The following SPTBN4 variants were observed in gnomAD, a reference collection of about 807,000 sequenced individuals.
SPTBN4 encodes the protein spectrin beta, non-erythrocytic 4.
Under a neutral mutation model 277.8 loss-of-function variants are expected in SPTBN4, and 96 were observed. That is an observed-to-expected ratio of 0.35 (90% CI 0.29 to 0.41). The LOEUF (loss-of-function observed/expected upper bound fraction) is 0.41, where lower values mean the gene tolerates loss of function less well. Ranked by LOEUF, SPTBN4 falls within the 10% of genes least tolerant of loss-of-function variation. The pLI is 1.00. For synonymous variants in SPTBN4, 1,481 were observed against 1,580.3 expected, an observed-to-expected ratio of 0.94 and a Z score of 1.49; for missense variants, 3,006 against 3,595.7, an observed-to-expected ratio of 0.84 and a Z score of 4.19.
In SPTBN4 at chr19:40,570,585, C is replaced by T. The variant is rs565514323; in HGVS notation, c.7176C>T (p.Gly2392=). The change falls in exon 33 of 36, where the codon GGC becomes GGT. Residue 2392 remains glycine, a synonymous_variant. Coordinates refer to ENST00000598249, the MANE Select transcript of SPTBN4 (RefSeq NM_020971.3). ...RRPRPREGGE[G]GGSRRSRSAP... ...CGCGGCCCAGAGAGGGTGGTGAGGG[C>T]GGGGGAAGCCGGCGCTCGCGCTCCG... 2.7e-4 allele frequency: 374 copies of T among 1,374,886 alleles called. No homozygotes were observed. In the African/African-American group the frequency reaches 4.9e-3, roughly 18 times the overall value. The allele number at this position is 1,374,886 out of a possible 1,614,324, so 85.2% of individuals were successfully genotyped here.
In SPTBN4 at chr19:40,514,492, T is replaced by C. The variant is rs185410335; in HGVS notation, c.2766-819T>C. On this transcript the variant is annotated intron_variant, in intron 14 of 35. Coordinates refer to ENST00000598249, the MANE Select transcript of SPTBN4 (RefSeq NM_020971.3). Reference sequence around the variant, plus strand: ...TAAGTAAACAGGCCATGGAGACTGATGGGCTGGAGCGATTTTCCAAAACAA... The same window carrying C: ...TAAGTAAACAGGCCATGGAGACTGACGGGCTGGAGCGATTTTCCAAAACAA... Among the ~76,000 whole-genome samples the C allele has an allele frequency of 5.9e-5, 9 of 152,258 alleles. No individual in the cohort carries two copies. The East Asian group carries it at 1.7e-3, about 29-fold the overall frequency.
intron 18 of SPTBN4, among the ~76,000 whole-genome samples, chr19:40,532,106 C>T (rs1167822203): frequency 6.7e-6 from 1 of 150,068 alleles, no homozygotes; most frequent in Non-Finnish European, 1.5e-5. Flanking sequence ...TCTGGCCATA[C>T]TGGAGGAACT....
At position 40,529,139 on chromosome 19, in the gene SPTBN4, C is replaced by A; in HGVS notation, c.3948+8C>A. 6.2e-7 allele frequency: 1 copy of A among 1,613,072 alleles called. No homozygotes were observed. The highest frequency in any genetic ancestry group is 8.5e-7 in the Non-Finnish European group (1 of 1,179,076). The stretch of plus-strand genomic sequence containing the variant: ...CTCCGAGACTGCCACGAGGTAGGAA[C>A]TCCAGGTGTGCTGGGGACGGAGACA... On this transcript the variant is annotated splice_region_variant and intron_variant, in intron 18 of 35. Coordinates refer to ENST00000598249, the MANE Select transcript of SPTBN4 (RefSeq NM_020971.3).
chr19:40,506,519 A>T, intron 13 of SPTBN4, 133 bp downstream of exon 13: 1 of 1,327,942 alleles, frequency 7.5e-7, no homozygotes, highest in African/African-American at 1.5e-5. Flanking sequence ...AGAGCCTAAG[A>T]TTACATTCCA....
chr19:40,511,301 T>A (rs575806477), intron 13 of SPTBN4, among the ~76,000 whole-genome samples: 5 of 150,138 alleles, frequency 3.3e-5, no homozygotes, highest in Non-Finnish European at 7.4e-5. Flanking sequence ...CCAACTACTC[T>A]GGAGGCTGAG....
intron 18 of SPTBN4, among the ~76,000 whole-genome samples, chr19:40,529,504 C>T (rs2080638531): frequency 6.6e-6 from 1 of 152,200 alleles, no homozygotes; most frequent in South Asian, 2.1e-4. Flanking sequence ...GTGGGGGGGC[C>T]AGCGGCCCTG....
chr19:40,489,607 C>T (rs561195036), intron 3 of SPTBN4, among the ~76,000 whole-genome samples: 57 of 152,236 alleles, frequency 3.7e-4, no homozygotes, highest in South Asian at 2.9e-3. Context: ...AGGCTGGTCT[C>T]GAACTCCTCG....
At chr19:40,534,497 C>T (rs2080713273) in intron 20 of SPTBN4, 154 bp downstream of exon 20, 4 of 1,011,830 alleles carry the variant, frequency 4.0e-6, no homozygotes, top group Admixed American at 2.8e-5. Context: ...TGAAGCAATC[C>T]AGCTAGTAAT....
In SPTBN4 at chr19:40,503,889, C is replaced by A. The variant is rs759071260; in HGVS notation, c.1422C>A (p.Ile474=). The change falls in exon 12 of 36, where the codon ATC becomes ATA. Residue 474 remains isoleucine, a synonymous_variant. Transcript: ENST00000598249. ...VEAAMKKHEA[I]EADIAAYEER... ...CAGCCATGAAGAAACACGAAGCGAT[C>A]GAGGCAGACATTGCGGCCTACGAGG... 1.2e-6 allele frequency: 2 copies of A among 1,610,392 alleles called. No homozygotes were observed. The highest frequency in any genetic ancestry group is 1.3e-5 in the African/African-American group (1 of 74,848).
chr19:40,468,069 G>A (rs868744004), intron 1 of SPTBN4, among the ~76,000 whole-genome samples: 9 of 145,292 alleles, frequency 6.2e-5, no homozygotes, highest in African/African-American at 8.0e-5. Context: ...AAACGGGTAC[G>A]ATTATCATTA....
chr19:40,535,687 C>T (rs554733152), intron 20 of SPTBN4, among the ~76,000 whole-genome samples: 14 of 152,254 alleles, frequency 9.2e-5, no homozygotes, highest in Admixed American at 9.2e-4. Context: ...AACCCCAGCA[C>T]TTCGGGAGGC....
At chr19:40,481,515 G>T (rs562341597) in intron 2 of SPTBN4, among the ~76,000 whole-genome samples, 1 of 152,058 alleles carries the variant, frequency 6.6e-6, no homozygotes, top group Non-Finnish European at 1.5e-5. Context: ...CCACTCTGTC[G>T]CCCAGGCTGG....
rs753321855 is a variant in SPTBN4 at position 40,557,006 on chromosome 19, C to A, written c.5290-17C>A. The A allele has an allele frequency of 1.4e-5, 21 of 1,528,162 alleles. No homozygotes were observed. Among genetic ancestry groups the A allele is most frequent in the East Asian group, 2.3e-5 (1 of 43,274 alleles). The allele number at this position is 1,528,162 out of a possible 1,614,324, so 94.7% of individuals were successfully genotyped here. ...TGCTCACTTTGCTGTACCCCCCCCC[C>A]CACTTCCTGATGGCAGGTGCTGCAG... On this transcript the variant is annotated splice_polypyrimidine_tract_variant and intron_variant, in intron 25 of 35. Coordinates refer to ENST00000598249, the MANE Select transcript of SPTBN4 (RefSeq NM_020971.3).
chr19:40,477,124 C>T (rs1395495221), intron 2 of SPTBN4, among the ~76,000 whole-genome samples: 2 of 151,712 alleles, frequency 1.3e-5, no homozygotes, highest in African/African-American at 4.8e-5. Context: ...ACTACAACCT[C>T]CAACTCCTGG....
Position 40,575,652 on chromosome 19 carries a change from G to T in SPTBN4, c.*83G>T. 5 of 1,470,836 alleles carry T rather than the reference G, an allele frequency of 3.4e-6. No individual in the cohort carries two copies. Among genetic ancestry groups the T allele is most frequent in the South Asian group, 1.3e-5 (1 of 75,058 alleles). 91.1% of individuals were successfully genotyped at this position (1,470,836 alleles called of 1,614,324 possible). On this transcript the variant is annotated 3_prime_UTR_variant, in exon 36 of 36. Transcript: ENST00000598249. ...CAAAGACACTTTTTCTTCCGCAGGG[G>T]CGGGAGCCCCTAGTTCCAACACTGA...
At chr19:40,470,420 C>T (rs1439287565) in intron 1 of SPTBN4, among the ~76,000 whole-genome samples, 1 of 152,018 alleles carries the variant, frequency 6.6e-6, no homozygotes, top group East Asian at 1.9e-4. Context: ...GATTCTCCTG[C>T]CTCAGCCTCC....
chr19:40,489,391 T>A (rs1324219232), intron 3 of SPTBN4, among the ~76,000 whole-genome samples: 8 of 151,822 alleles, frequency 5.3e-5, no homozygotes, highest in Admixed American at 3.3e-4. Flanking sequence ...GCGGAGTTTT[T>A]GTTTGTTTGT....
intron 18 of SPTBN4, among the ~76,000 whole-genome samples, chr19:40,531,468 T>G (rs796706009): frequency 7.0e-4 from 23 of 33,044 alleles, no homozygotes; most frequent in African/African-American, 1.9e-3. Flanking sequence ...GTGTTTGTTT[T>G]TTTTTTTTTT....
In SPTBN4 at chr19:40,519,710, C is replaced by T. The variant is rs374866460; in HGVS notation, c.3213C>T (p.Gly1071=). ...QGAEELGAEW[G]ALASAAQACG... ...CGGAGGAGCTGGGCGCCGAGTGGGGCGCGCTAGCTAGCGCGGCTCAGGCCT... is the reference window on the plus strand; with the variant it reads ...CGGAGGAGCTGGGCGCCGAGTGGGGTGCGCTAGCTAGCGCGGCTCAGGCCT... Residue 1071 remains glycine (G), a synonymous_variant, in exon 16 of 36, where the codon GGC becomes GGT. Transcript: ENST00000598249. The surrounding 1 kb of genome is among the most constrained non-coding windows in gnomAD (Gnocchi z 5.7). 14 of 1,389,518 alleles carry T rather than the reference C, an allele frequency of 1.0e-5. No homozygotes were observed. In the South Asian group the frequency reaches 2.0e-4, roughly 20 times the overall value. 86.1% of individuals were successfully genotyped at this position (1,389,518 alleles called of 1,614,324 possible). A position where few individuals can be genotyped will look rare whatever the true frequency, so the allele number is the denominator to read the frequency against.
Sources: gnomAD v4.1 joint callset for allele counts (sites outside exome capture counted in the v4.1 genomes callset) on GRCh38, gnomAD v4.1.1 for gene constraint, Gnocchi (gnomAD v3.1) non-coding constraint, MANE v1.5 for transcripts, NCBI Gene and HGNC (gene_info 2026-07-23, HGNC 2026-07-21) for gene names.